GRM5: variants seen among roughly 807,000 people sequenced by gnomAD.
The protein encoded by GRM5 is glutamate metabotropic receptor 5.
Under a neutral mutation model 83.1 loss-of-function variants are expected in GRM5, and 19 were observed. That is an observed-to-expected ratio of 0.23 (90% CI 0.16 to 0.34). GRM5 has a LOEUF of 0.34. Among genes scored for constraint, GRM5 ranks in the 10% least tolerant of loss-of-function variants. The probability of loss-of-function intolerance (pLI) is 1.00; values close to 1 mark genes in which losing one functional copy is unlikely to be tolerated. For missense variants in GRM5, 1,160 were observed against 1,588.3 expected, an observed-to-expected ratio of 0.73 and a Z score of 4.58; for synonymous variants, 675 against 633.6, an observed-to-expected ratio of 1.07 and a Z score of -0.98.
At chr11:88,847,929 T>C (rs1036703527) in intron 3 of GRM5, among the ~76,000 whole-genome samples, 12 of 152,232 alleles carry the variant, frequency 7.9e-5, no homozygotes, top group Non-Finnish European at 1.5e-4. Flanking sequence ...ATTTACTTAG[T>C]GTACATGGGA....
intron 3 of GRM5, among the ~76,000 whole-genome samples, chr11:88,744,726 T>C (rs534194721): frequency 6.6e-6 from 1 of 152,254 alleles, no homozygotes; most frequent in Non-Finnish European, 1.5e-5. Flanking sequence ...CCAGCACTGC[T>C]CTGGTATTAG....
rs147822829 is a variant in GRM5, at chr11:88,656,052, T to C, written c.912-2649A>G. ...GCATCTTTAAGTATGATGCAATAAA[T>C]TCAGCAGTAAAATGAAATGCTAAGA... On this transcript the variant is annotated intron_variant, in intron 3 of 9. Transcript: ENST00000305447. 4.1e-3 allele frequency among the ~76,000 whole-genome samples: 626 copies of C among 152,234 alleles called. 3 individuals carry two copies. The highest frequency in any genetic ancestry group is 0.014 in the African/African-American group (599 of 41,560).
At chr11:88,981,832 C>T (rs1335854356) in intron 2 of GRM5, among the ~76,000 whole-genome samples, 1 of 152,146 alleles carries the variant, frequency 6.6e-6, no homozygotes, top group Non-Finnish European at 1.5e-5. Flanking sequence ...TCACAGACAG[C>T]TATAAGGGTT....
chr11:88,832,615 T>C (rs2135521343), intron 3 of GRM5, among the ~76,000 whole-genome samples: 1 of 151,470 alleles, frequency 6.6e-6, no homozygotes, highest in African/African-American at 2.4e-5. Flanking sequence ...GAAAAAAAAA[T>C]CTTAAAATTT....
intron 3 of GRM5, among the ~76,000 whole-genome samples, chr11:88,790,243 A>G (rs1943148509): frequency 6.6e-6 from 1 of 152,206 alleles, no homozygotes; most frequent in Non-Finnish European, 1.5e-5. Flanking sequence ...CTATCTACCC[A>G]TTAATTCATT....
chr11:88,559,215 T>C (rs549285792), intron 8 of GRM5, among the ~76,000 whole-genome samples: 4 of 152,266 alleles, frequency 2.6e-5, no homozygotes, highest in Non-Finnish European at 5.9e-5. Flanking sequence ...ATTCAGGATA[T>C]GATGGAATCA....
At chr11:88,755,698 C>G (rs1942381520) in intron 3 of GRM5, among the ~76,000 whole-genome samples, 1 of 152,086 alleles carries the variant, frequency 6.6e-6, no homozygotes, top group Admixed American at 6.6e-5. Context: ...CCTCTATGAT[C>G]TTTAAGTAGT....
intron 3 of GRM5, among the ~76,000 whole-genome samples, chr11:88,743,448 C>T (rs1359153636): frequency 1.3e-5 from 2 of 152,090 alleles, no homozygotes; most frequent in Non-Finnish European, 2.9e-5. Context: ...TCTAGGACAT[C>T]CACACTTCTC....
chr11:89,055,312 T>C (rs956028165), intron 1 of GRM5, among the ~76,000 whole-genome samples: 40 of 152,218 alleles, frequency 2.6e-4, no homozygotes, highest in African/African-American at 9.4e-4. Context: ...CAGCAGTACC[T>C]ACCCCAAAGA....
chr11:88,653,425 C>G, intron 3 of GRM5, 22 bp from the exon 4 acceptor site: 2 of 1,535,868 alleles, frequency 1.3e-6, no homozygotes, highest in South Asian at 2.2e-5. Context: ...TAAAAAAACC[C>G]TCAGCTTAGA....
At chr11:88,957,714 C>G (rs660091) in intron 2 of GRM5, among the ~76,000 whole-genome samples, 145,460 of 152,274 alleles carry the variant, frequency 0.96, 69,844 homozygotes, top group East Asian at 1. Flanking sequence ...CTCTCTATTA[C>G]ATTGAAGAAT....
At chr11:88,524,911 C>G (rs1167550149) in intron 9 of GRM5, among the ~76,000 whole-genome samples, 7 of 152,168 alleles carry the variant, frequency 4.6e-5, no homozygotes, top group Non-Finnish European at 1.0e-4. Flanking sequence ...GTAATCCTTT[C>G]CTTAAAACCA....
At chr11:88,566,604 G>A (rs549952650) in intron 8 of GRM5, among the ~76,000 whole-genome samples, 1 of 152,290 alleles carries the variant, frequency 6.6e-6, no homozygotes, top group Admixed American at 6.5e-5. Flanking sequence ...CTTGAATAAG[G>A]TTTAGGCACG....
chr11:88,839,781 C>G (rs1944162990), intron 3 of GRM5, among the ~76,000 whole-genome samples: 1 of 152,176 alleles, frequency 6.6e-6, no homozygotes, highest in African/African-American at 2.4e-5. Context: ...ATCTTAACTA[C>G]TAATGGCCTA....
At chr11:88,819,503 T>C (rs999695207) in intron 3 of GRM5, among the ~76,000 whole-genome samples, 1 of 152,212 alleles carries the variant, frequency 6.6e-6, no homozygotes, top group African/African-American at 2.4e-5. Flanking sequence ...CCAGATATCT[T>C]GCTAAGTTTG....
intron 3 of GRM5, among the ~76,000 whole-genome samples, chr11:88,790,071 C>T (rs1565231896): frequency 6.6e-6 from 1 of 152,104 alleles, no homozygotes; most frequent in Non-Finnish European, 1.5e-5. Flanking sequence ...GCCATGTTGG[C>T]CAGGCTGGCC....
chr11:88,538,425 C>T (rs1291413977), intron 8 of GRM5, among the ~76,000 whole-genome samples: 3 of 152,088 alleles, frequency 2.0e-5, no homozygotes, highest in Admixed American at 2.0e-4. Flanking sequence ...ACAACATCCT[C>T]AATAGGGAAA....
At chr11:88,613,138 T>C (rs1056212277) in intron 4 of GRM5, among the ~76,000 whole-genome samples, 1 of 152,170 alleles carries the variant, frequency 6.6e-6, no homozygotes, top group African/African-American at 2.4e-5. Context: ...CTTAGAATTA[T>C]GTGCCATGTG....
In GRM5 at chr11:88,963,228, T is replaced by C. The variant is rs191314452; in HGVS notation, c.661+83984A>G. ...AGACAATGGGAAATGGTAAAGCAGA[T>C]GCAAATTTACATTAAATAACAGGAT... On this transcript the variant is annotated intron_variant, in intron 2 of 9. Coordinates refer to ENST00000305447, the MANE Select transcript of GRM5 (RefSeq NM_001143831.3). Among the ~76,000 whole-genome samples the C allele has an allele frequency of 2.6e-3, 394 of 152,322 alleles. 1 individual carries two copies. The highest frequency in any genetic ancestry group is 8.8e-3 in the African/African-American group (367 of 41,584).
Sources: allele counts gnomAD v4.1 joint callset (sites outside exome capture counted in the v4.1 genomes callset), GRCh38; gene constraint gnomAD v4.1.1; transcripts MANE v1.5; gene names NCBI Gene and HGNC (gene_info 2026-07-23, HGNC 2026-07-21).